SMG6: variants seen among roughly 807,000 people sequenced by gnomAD.
The protein encoded by SMG6 is telomerase-binding protein EST1A.
A neutral mutation model predicts 142.2 loss-of-function variants in SMG6; 66 were observed. The observed-to-expected ratio is 0.46, with a 90% CI of 0.38 to 0.57. SMG6 has a LOEUF of 0.57. Among genes scored for constraint, SMG6 ranks in the 20% least tolerant of loss-of-function variants. The probability of loss-of-function intolerance (pLI) is 0.00; values close to 1 mark genes in which losing one functional copy is unlikely to be tolerated. For synonymous variants in SMG6, 779 were observed against 702.4 expected (o/e 1.11, Z -1.72); for missense variants, 1,793 against 1,832.0 (o/e 0.98, Z 0.39).
intron 13 of SMG6, among the ~76,000 whole-genome samples, chr17:2,111,802 G>A (rs919243069): frequency 6.6e-6 from 1 of 152,200 alleles, no homozygotes; most frequent in African/African-American, 2.4e-5. Context: ...TTGAAGGAAG[G>A]AGAACAGGCT....
intron 9 of SMG6, chr17:2,237,654 G>A: frequency 1.3e-6 from 1 of 753,076 alleles, no homozygotes; most frequent in Non-Finnish European, 1.6e-6. Context: ...GTAACGCAGG[G>A]AGGCAGAAAT....
intron 15 of SMG6, among the ~76,000 whole-genome samples, chr17:2,077,100 A>T (rs1268676529): frequency 6.6e-6 from 1 of 152,198 alleles, no homozygotes; most frequent in African/African-American, 2.4e-5. Context: ...ACGCTCATTC[A>T]CACTTCAAAT....
intron 4 of SMG6, among the ~76,000 whole-genome samples, chr17:2,295,965 C>T (rs1036448157): frequency 6.6e-5 from 10 of 152,114 alleles, no homozygotes; most frequent in Non-Finnish European, 1.2e-4. Context: ...TCCAATCTGT[C>T]TTCTCTTTCC....
intron 9 of SMG6, among the ~76,000 whole-genome samples, chr17:2,237,743 G>A (rs1379405590): frequency 2.0e-5 from 3 of 152,190 alleles, no homozygotes; most frequent in Non-Finnish European, 4.4e-5. Flanking sequence ...ATCCCAAACA[G>A]TGGTGCATGC....
intron 10 of SMG6, among the ~76,000 whole-genome samples, chr17:2,203,180 A>C (rs2072583643): frequency 6.6e-6 from 1 of 152,170 alleles, no homozygotes; most frequent in Non-Finnish European, 1.5e-5. Context: ...TAAATAAATA[A>C]GTAAGTTGCC....
At chr17:2,205,218 A>G (rs1567681667) in intron 10 of SMG6, among the ~76,000 whole-genome samples, 1 of 151,830 alleles carries the variant, frequency 6.6e-6, no homozygotes, top group Non-Finnish European at 1.5e-5. Flanking sequence ...ACAGGTGCTC[A>G]CCACCATGTC....
At chr17:2,288,648 A>G (rs1166418610) in intron 6 of SMG6, among the ~76,000 whole-genome samples, 2 of 148,150 alleles carry the variant, frequency 1.3e-5, no homozygotes, top group Admixed American at 6.7e-5. Context: ...TGGGTAAGAT[A>G]GGCAGGGCTG....
At chr17:2,191,808 G>A (rs1316201796) in intron 10 of SMG6, among the ~76,000 whole-genome samples, 1 of 152,150 alleles carries the variant, frequency 6.6e-6, no homozygotes, top group Non-Finnish European at 1.5e-5. Flanking sequence ...ATATATTCAT[G>A]GAAAACATAA....
At chr17:2,195,353 G>C (rs1331362324) in intron 10 of SMG6, among the ~76,000 whole-genome samples, 1 of 152,144 alleles carries the variant, frequency 6.6e-6, no homozygotes, top group Non-Finnish European at 1.5e-5. Context: ...CACCTCAATG[G>C]ACAGGGTACA....
intron 10 of SMG6, among the ~76,000 whole-genome samples, chr17:2,196,562 T>C (rs886143216): frequency 2.0e-5 from 3 of 152,228 alleles, no homozygotes; most frequent in Non-Finnish European, 4.4e-5. Flanking sequence ...GAAGGTTTTA[T>C]GTAGACAATA....
At chr17:2,201,677 C>CAAA (rs58219330) in intron 10 of SMG6, among the ~76,000 whole-genome samples, 4 of 127,730 alleles carry the variant, frequency 3.1e-5, no homozygotes, top group African/African-American at 8.6e-5. Flanking sequence ...AGACTTGATT[C>CAAA]AAAAAAAAAA....
intron 13 of SMG6, among the ~76,000 whole-genome samples, chr17:2,119,608 T>C (rs1480376967): frequency 6.6e-6 from 1 of 152,078 alleles, no homozygotes; most frequent in Non-Finnish European, 1.5e-5. Context: ...CAAGCGATTC[T>C]TGTGCCTCAG....
At chr17:2,115,380 C>T (rs1369150253) in intron 13 of SMG6, among the ~76,000 whole-genome samples, 1 of 151,818 alleles carries the variant, frequency 6.6e-6, no homozygotes, top group Non-Finnish European at 1.5e-5. Context: ...AACAGGATAC[C>T]AATCTAAGGA....
At position 2,300,095 on chromosome 17, in the gene SMG6, T is replaced by C. The variant is rs766340095; in HGVS notation, c.658A>G (p.Met220Val). 14 of 1,613,924 alleles carry C rather than the reference T, an allele frequency of 8.7e-6. No individual in the cohort carries two copies. The African/African-American group carries it at 1.2e-4, about 14-fold the overall frequency. ...TCCCTCACCCCCTCCCCTTTTCCCA[T>C]CCTCTTTCCTTTTTCTCCTTTTGCA... ...GAAKGEKGKR[M>V]GKGEGVRETH... The change falls in exon 2 of 19, where the codon ATG (methionine) becomes GTG (valine). Residue 220 changes from methionine (M) to valine (V), a missense_variant. This residue lies in a region of SMG6 where 1,597 missense variants were observed against 1,584.6 expected (regional missense o/e 1.01). Transcript: ENST00000263073.
intron 10 of SMG6, chr17:2,232,618 A>C (rs1461857663): frequency 2.0e-5 from 3 of 152,058 alleles, no homozygotes; most frequent in African/African-American, 4.8e-5. Flanking sequence ...ATCCCCAACT[A>C]CCTGAGTGTG....
intron 10 of SMG6, among the ~76,000 whole-genome samples, chr17:2,198,446 G>A (rs1160180384): frequency 1.3e-5 from 2 of 152,102 alleles, no homozygotes; most frequent in African/African-American, 4.8e-5. Flanking sequence ...AGCTACATGT[G>A]TGATAAAATT....
chr17:2,303,228 G>A, intron 1 of SMG6: 2 of 985,430 alleles, frequency 2.0e-6, no homozygotes, highest in Non-Finnish European at 2.4e-6. Flanking sequence ...TCTCTCCGAC[G>A]TTAAAGCGGT....
chr17:2,095,580 G>A (rs1567594095), intron 13 of SMG6, among the ~76,000 whole-genome samples: 1 of 152,030 alleles, frequency 6.6e-6, no homozygotes, highest in African/African-American at 2.4e-5. Context: ...GTTGGGTGGC[G>A]TGGGTCACAT....
intron 15 of SMG6, among the ~76,000 whole-genome samples, chr17:2,074,306 A>G (rs2068197878): frequency 6.6e-6 from 1 of 152,058 alleles, no homozygotes; most frequent in Admixed American, 6.5e-5. Flanking sequence ...TACATGAAAA[A>G]CTGGAAATAA....
Sources: allele counts gnomAD v4.1 joint callset (sites outside exome capture counted in the v4.1 genomes callset), GRCh38; gene constraint gnomAD v4.1.1; regional missense constraint gnomAD v4.1.1; transcripts MANE v1.5; gene names NCBI Gene and HGNC (gene_info 2026-07-23, HGNC 2026-07-21).